The following RARB variants were observed in gnomAD, a reference collection of about 807,000 sequenced individuals.
The protein encoded by RARB is HBV-activated protein.
Under a neutral mutation model 51.9 loss-of-function variants are expected in RARB, and 17 were observed. The observed-to-expected ratio is 0.33, with a 90% CI of 0.22 to 0.49. The LOEUF (loss-of-function observed/expected upper bound fraction) is 0.49. Among genes scored for constraint, RARB ranks in the 20% least tolerant of loss-of-function variants. RARB has a pLI of 0.99. For missense variants in RARB, 369 were observed against 550.8 expected, an observed-to-expected ratio of 0.67 and a Z score of 3.30; for synonymous variants, 215 against 195.4, an observed-to-expected ratio of 1.10 and a Z score of -0.84.
intron 1 of RARB, among the ~76,000 whole-genome samples, chr3:25,460,428 T>TTTCATTTATTTA (rs369452418): frequency 1.4e-5 from 2 of 145,582 alleles, no homozygotes; most frequent in Non-Finnish European, 3.0e-5. Flanking sequence ...ATTTTAAAAT[T>TTTCATTTATTTA]TTTATTTATT....
intron 5 of RARB, among the ~76,000 whole-genome samples, chr3:25,293,691 C>T (rs982840461): frequency 3.4e-5 from 5 of 149,242 alleles, no homozygotes; most frequent in African/African-American, 1.2e-4. Flanking sequence ...CACCTAGTAT[C>T]TCTATCTTTG....
intron 5 of RARB, among the ~76,000 whole-genome samples, chr3:25,256,862 T>G (rs1438716937): frequency 6.6e-6 from 1 of 151,952 alleles, no homozygotes; most frequent in Non-Finnish European, 1.5e-5. Context: ...CAGCATATTT[T>G]TTAGAGGTCG....
chr3:24,857,034 A>G (rs1045823876), intron 1 of RARB, among the ~76,000 whole-genome samples: 4 of 152,218 alleles, frequency 2.6e-5, no homozygotes, highest in African/African-American at 7.2e-5. Flanking sequence ...GTTGTGGTCC[A>G]TGACTGGAGC....
intron 2 of RARB, among the ~76,000 whole-genome samples, chr3:24,913,155 T>A (rs920455252): frequency 1.1e-4 from 16 of 151,522 alleles, no homozygotes; most frequent in Admixed American, 1.1e-3. Flanking sequence ...TAATTTTGTT[T>A]TTGTATTTTT....
intron 3 of RARB, among the ~76,000 whole-genome samples, chr3:25,536,679 G>C (rs1426481877): frequency 6.6e-6 from 1 of 152,150 alleles, no homozygotes; most frequent in Non-Finnish European, 1.5e-5. Flanking sequence ...TAAACTGCAG[G>C]GAAAAATAAA....
intron 5 of RARB, among the ~76,000 whole-genome samples, chr3:25,211,201 T>A (rs919616973): frequency 6.6e-6 from 1 of 152,230 alleles, no homozygotes; most frequent in Non-Finnish European, 1.5e-5. Context: ...TTCAAGGCAC[T>A]TGACTATATT....
chr3:24,976,679 G>C (rs1271766310), intron 2 of RARB, among the ~76,000 whole-genome samples: 1 of 152,104 alleles, frequency 6.6e-6, no homozygotes, highest in Non-Finnish European at 1.5e-5. Context: ...CAGATGGATA[G>C]ACTACAAAAA....
At chr3:25,380,649 G>T (rs1429298897) in intron 5 of RARB, among the ~76,000 whole-genome samples, 19 of 152,158 alleles carry the variant, frequency 1.2e-4, no homozygotes, top group Non-Finnish European at 1.0e-4. Flanking sequence ...AAAATCAAAT[G>T]GCGTTTCCTG....
chr3:25,108,885 T>G (rs886371062), intron 3 of RARB, among the ~76,000 whole-genome samples: 1 of 152,208 alleles, frequency 6.6e-6, no homozygotes, highest in African/African-American at 2.4e-5. Flanking sequence ...CTGTATCTCC[T>G]TATGTAAACA....
At chr3:25,385,228 C>T (rs1408046184) in intron 5 of RARB, among the ~76,000 whole-genome samples, 1 of 152,158 alleles carries the variant, frequency 6.6e-6, no homozygotes, top group Admixed American at 6.5e-5. Context: ...GCACTTTTTC[C>T]TGACTTGTCT....
intron 2 of RARB, among the ~76,000 whole-genome samples, chr3:24,915,678 G>A (rs1012501263): frequency 6.6e-5 from 10 of 152,218 alleles, no homozygotes; most frequent in Admixed American, 1.3e-4. Flanking sequence ...AGCGTTGTGG[G>A]TGTTGTATGT....
chr3:24,865,173 G>C (rs1308861559), intron 2 of RARB, among the ~76,000 whole-genome samples: 1 of 152,128 alleles, frequency 6.6e-6, no homozygotes, highest in Non-Finnish European at 1.5e-5. Context: ...GAGGACCACA[G>C]TATTATATGC....
At chr3:25,262,678 C>T in intron 5 of RARB, among the ~76,000 whole-genome samples, 1 of 152,162 alleles carries the variant, frequency 6.6e-6, no homozygotes, top group East Asian at 1.9e-4. Flanking sequence ...TTTGAAGACG[C>T]TTGTGTTTAC....
intron 2 of RARB, among the ~76,000 whole-genome samples, chr3:24,918,719 T>C (rs1012655649): frequency 2.6e-5 from 4 of 152,086 alleles, no homozygotes; most frequent in Non-Finnish European, 5.9e-5. Flanking sequence ...GGTGAAACCC[T>C]GTCTCTACTA....
intron 3 of RARB, among the ~76,000 whole-genome samples, chr3:25,072,748 G>A (rs545713035): frequency 2.0e-5 from 3 of 151,142 alleles, no homozygotes; most frequent in East Asian, 2.0e-4. Flanking sequence ...TCGCTCTGTC[G>A]CCCAGGCTGG....
intron 4 of RARB, among the ~76,000 whole-genome samples, chr3:25,149,019 G>A (rs143144819): frequency 1.3e-5 from 2 of 152,250 alleles, no homozygotes; most frequent in Admixed American, 1.3e-4. Flanking sequence ...ACTTTGATAT[G>A]CTAAGGAGTC....
At chr3:24,967,909 C>T (rs949236911) in intron 2 of RARB, among the ~76,000 whole-genome samples, 1 of 152,094 alleles carries the variant, frequency 6.6e-6, no homozygotes, top group Non-Finnish European at 1.5e-5. Flanking sequence ...AAGGCAGACA[C>T]CCTAAGGGGG....
At chr3:25,098,119 C>G (rs1317073136) in intron 3 of RARB, among the ~76,000 whole-genome samples, 1 of 152,090 alleles carries the variant, frequency 6.6e-6, no homozygotes, top group Non-Finnish European at 1.5e-5. Context: ...AAGGGGAGCA[C>G]TGTACAAGGG....
chr3:25,398,691 A>C (rs954687345), intron 5 of RARB, among the ~76,000 whole-genome samples: 1 of 152,230 alleles, frequency 6.6e-6, no homozygotes, highest in Admixed American at 6.5e-5. Context: ...CCAGAAGCTT[A>C]AGTCCTTAAT....
Sources: gnomAD v4.1 joint callset for allele counts (sites outside exome capture counted in the v4.1 genomes callset) on GRCh38, gnomAD v4.1.1 for gene constraint, MANE v1.5 for transcripts, NCBI Gene and HGNC (gene_info 2026-07-23, HGNC 2026-07-21) for gene names.